The following TBC1D32 variants were observed in gnomAD, a reference collection of about 807,000 sequenced individuals.
TBC1D32 encodes the protein protein broad-minded.
TBC1D32 carries 151 observed loss-of-function variants against 170.3 expected under a neutral mutation model. That is an observed-to-expected ratio of 0.89 (90% CI 0.78 to 1.01). TBC1D32 has a LOEUF of 1.01. Among genes scored for constraint, TBC1D32 ranks in the 50% least tolerant of loss-of-function variants. The probability of loss-of-function intolerance (pLI) is 0.00; values close to 1 mark genes in which losing one functional copy is unlikely to be tolerated. For synonymous variants in TBC1D32, 498 were observed against 488.0 expected (o/e 1.02, Z -0.27); for missense variants, 1,464 against 1,457.1 (o/e 1.00, Z -0.08).
At chr6:121,322,268 A>G (rs1809839647) in intron 1 of TBC1D32, among the ~76,000 whole-genome samples, 1 of 152,122 alleles carries the variant, frequency 6.6e-6, no homozygotes. Flanking sequence ...ACTTCCACCT[A>G]AACAGTTCTT....
intron 19 of TBC1D32, among the ~76,000 whole-genome samples, chr6:121,239,876 A>T (rs1219318590): frequency 1.3e-5 from 2 of 152,180 alleles, no homozygotes; most frequent in East Asian, 3.8e-4. Flanking sequence ...AGTTCATAAC[A>T]ACAATATTCG....
At chr6:121,105,637 A>G (rs1778600301) in intron 30 of TBC1D32, among the ~76,000 whole-genome samples, 1 of 151,996 alleles carries the variant, frequency 6.6e-6, no homozygotes, top group Non-Finnish European at 1.5e-5. Flanking sequence ...AACCAAGCTG[A>G]GGCATACAGG....
intron 30 of TBC1D32, among the ~76,000 whole-genome samples, chr6:121,099,382 C>T (rs183402501): frequency 9.8e-4 from 149 of 151,944 alleles, no homozygotes; most frequent in Admixed American, 6.8e-3. Context: ...TTTCTATTTT[C>T]TTTCCAAACT....
At chr6:121,084,535 C>A (rs1396528636) in intron 31 of TBC1D32, among the ~76,000 whole-genome samples, 2 of 152,016 alleles carry the variant, frequency 1.3e-5, no homozygotes, top group Admixed American at 1.3e-4. Context: ...CAACCCCTTG[C>A]CAGGAATATA....
At chr6:121,150,581 C>T (rs1016170017) in intron 24 of TBC1D32, among the ~76,000 whole-genome samples, 2 of 152,130 alleles carry the variant, frequency 1.3e-5, no homozygotes, top group African/African-American at 4.8e-5. Flanking sequence ...GGAATGGGTA[C>T]CAGCTCCTCT....
chr6:121,322,704 G>C, intron 1 of TBC1D32, among the ~76,000 whole-genome samples: 1 of 152,192 alleles, frequency 6.6e-6, no homozygotes, highest in Non-Finnish European at 1.5e-5. Context: ...CTTGACAACA[G>C]AACAAATCCA....
chr6:121,223,934 C>T (rs1373583392), intron 20 of TBC1D32, among the ~76,000 whole-genome samples: 1 of 152,114 alleles, frequency 6.6e-6, no homozygotes, highest in Non-Finnish European at 1.5e-5. Flanking sequence ...TCTTATTAAA[C>T]ACAACTAGAA....
intron 21 of TBC1D32, among the ~76,000 whole-genome samples, chr6:121,209,818 C>T (rs1308964943): frequency 6.6e-6 from 1 of 152,176 alleles, no homozygotes; most frequent in Non-Finnish European, 1.5e-5. Context: ...AGGACAGAAA[C>T]AGAGAGACAG....
At chr6:121,268,430 A>G (rs139835034) in intron 15 of TBC1D32, among the ~76,000 whole-genome samples, 4,995 of 152,252 alleles carry the variant, frequency 0.033, 194 homozygotes, top group East Asian at 0.12. Context: ...ACCTGATGGA[A>G]CTGAAAACCA....
intron 24 of TBC1D32, among the ~76,000 whole-genome samples, chr6:121,135,182 AG>A (rs1010179185): frequency 1.3e-5 from 2 of 152,150 alleles, no homozygotes; most frequent in Non-Finnish European, 2.9e-5. Flanking sequence ...ACATGAGGTA[AG>A]GGAAAATGAA....
At chr6:121,123,614 T>C (rs1406331165) in intron 26 of TBC1D32, among the ~76,000 whole-genome samples, 1 of 152,088 alleles carries the variant, frequency 6.6e-6, no homozygotes, top group East Asian at 1.9e-4. Context: ...TCATTTTCAG[T>C]CTATGTGAGT....
At chr6:121,310,232 TAA>T (rs777715076) in intron 4 of TBC1D32, among the ~76,000 whole-genome samples, 6 of 152,050 alleles carry the variant, frequency 3.9e-5, no homozygotes, top group Non-Finnish European at 8.8e-5. Context: ...TGAAAACTGC[TAA>T]GAGAGTAGAT....
intron 21 of TBC1D32, among the ~76,000 whole-genome samples, chr6:121,213,269 T>G (rs1280327077): frequency 2.0e-5 from 3 of 152,104 alleles, no homozygotes; most frequent in African/African-American, 4.8e-5. Context: ...TATCCCTGTT[T>G]GCAGACGGCA....
intron 29 of TBC1D32, among the ~76,000 whole-genome samples, chr6:121,108,271 G>A (rs1001318419): frequency 2.0e-5 from 3 of 151,856 alleles, no homozygotes; most frequent in South Asian, 2.1e-4. Flanking sequence ...AATATAATAC[G>A]AGGTCTTCTG....
intron 24 of TBC1D32, among the ~76,000 whole-genome samples, chr6:121,157,125 T>C (rs1193898120): frequency 6.6e-6 from 1 of 152,138 alleles, no homozygotes; most frequent in Non-Finnish European, 1.5e-5. Context: ...TCCATCACTA[T>C]AATTTAGGGG....
intron 14 of TBC1D32, 52 bp from the exon 15 acceptor site, chr6:121,279,297 A>T (rs200727179): frequency 3.1e-4 from 486 of 1,565,740 alleles, no homozygotes; most frequent in Non-Finnish European, 3.9e-4. Context: ...TGACATGCTA[A>T]CATATCACAG....
intron 20 of TBC1D32, among the ~76,000 whole-genome samples, chr6:121,232,184 T>C (rs1795823206): frequency 6.6e-6 from 1 of 152,116 alleles, no homozygotes; most frequent in South Asian, 2.1e-4. Flanking sequence ...GAATAGGGTA[T>C]ACTTACCACT....
At chr6:121,266,600 G>A (rs1243405174) in intron 15 of TBC1D32, among the ~76,000 whole-genome samples, 1 of 152,090 alleles carries the variant, frequency 6.6e-6, no homozygotes, top group Non-Finnish European at 1.5e-5. Context: ...CTATTATAAA[G>A]ATACATGGAC....
chr6:121,229,010 CCTTTA>C (rs1269798211), intron 20 of TBC1D32, among the ~76,000 whole-genome samples: 34 of 151,878 alleles, frequency 2.2e-4, no homozygotes, highest in East Asian at 1.2e-3. Flanking sequence ...GATAGTTTTT[CCTTTA>C]CTTTATCTCT....
Sources: gnomAD v4.1 joint callset for allele counts (sites outside exome capture counted in the v4.1 genomes callset) on GRCh38, gnomAD v4.1.1 for gene constraint, MANE v1.5 for transcripts, NCBI Gene and HGNC (gene_info 2026-07-23, HGNC 2026-07-21) for gene names.